SLC30A9: variants seen among roughly 807,000 people sequenced by gnomAD.
SLC30A9 encodes the protein proton-coupled zinc antiporter SLC30A9, mitochondrial.
SLC30A9 carries 58 observed loss-of-function variants against 87.5 expected under a neutral mutation model. The ratio of observed to expected loss-of-function variants is 0.66; its 90% confidence interval spans 0.54 to 0.82. The LOEUF is 0.82. Among genes scored for constraint, SLC30A9 ranks in the 40% least tolerant of loss-of-function variants. The pLI is 0.00. For synonymous variants in SLC30A9, 234 were observed against 233.0 expected, an observed-to-expected ratio of 1.00 and a Z score of -0.04; for missense variants, 557 against 679.1, an observed-to-expected ratio of 0.82 and a Z score of 2.00.
intron 2 of SLC30A9, among the ~76,000 whole-genome samples, chr4:42,005,637 A>G (rs967283369): frequency 1.3e-5 from 2 of 152,322 alleles, no homozygotes. Context: ...TCCAAGCTTC[A>G]ATAGAAATCC....
Position 41,997,285 on chromosome 4 carries a change from G to T in SLC30A9, c.110-4331G>T, listed in dbSNP as rs115093211. On this transcript the variant is annotated intron_variant, in intron 1 of 17. Coordinates refer to ENST00000264451, the MANE Select transcript of SLC30A9 (RefSeq NM_006345.4). ...CTTGCTACATGATTAAGGATAAAAA[G>T]GATTTTCCTGTAGTTTTGGCTAGCT... Among the ~76,000 whole-genome samples the T allele has an allele frequency of 8.9e-3, 1,360 of 152,074 alleles. 22 individuals carry two copies. The highest frequency in any genetic ancestry group is 0.032 in the African/African-American group (1,308 of 41,508).
intron 6 of SLC30A9, among the ~76,000 whole-genome samples, chr4:42,025,554 G>A (rs1560542412): frequency 6.6e-6 from 1 of 152,162 alleles, no homozygotes; most frequent in Non-Finnish European, 1.5e-5. Context: ...AGTTTTCCTT[G>A]TAAAATCCAA....
intron 1 of SLC30A9, among the ~76,000 whole-genome samples, chr4:41,997,161 A>AC (rs1714755624): frequency 1.3e-5 from 2 of 149,640 alleles, no homozygotes; most frequent in South Asian, 2.1e-4. Flanking sequence ...TCCTAACTCA[A>AC]AAAAAAAAAA....
chr4:42,070,004 C>T (rs772280323), intron 14 of SLC30A9, among the ~76,000 whole-genome samples: 1 of 152,104 alleles, frequency 6.6e-6, no homozygotes, highest in Non-Finnish European at 1.5e-5. Flanking sequence ...GAATTAAGTT[C>T]TCTCCTTTTT....
intron 9 of SLC30A9, among the ~76,000 whole-genome samples, chr4:42,051,278 ATAATT>A (rs1175234970): frequency 1.3e-5 from 2 of 152,218 alleles, no homozygotes; most frequent in Non-Finnish European, 2.9e-5. Context: ...TGATCTTCAA[ATAATT>A]TAATCACTTG....
At chr4:42,044,014 G>A (rs1424549430) in intron 8 of SLC30A9, among the ~76,000 whole-genome samples, 2 of 152,118 alleles carry the variant, frequency 1.3e-5, no homozygotes, top group African/African-American at 4.8e-5. Flanking sequence ...AATATTGAGA[G>A]ATTTTATAAC....
chr4:42,049,303 C>A, intron 8 of SLC30A9, 74 bp from the exon 9 acceptor site: 1 of 816,104 alleles, frequency 1.2e-6, no homozygotes, highest in Non-Finnish European at 2.1e-6. Flanking sequence ...TAGAGATATA[C>A]AGCTGATTGA....
At chr4:42,042,255 G>A (rs546206958) in intron 8 of SLC30A9, among the ~76,000 whole-genome samples, 1 of 152,168 alleles carries the variant, frequency 6.6e-6, no homozygotes, top group African/African-American at 2.4e-5. Context: ...GGAGCTAAGT[G>A]GTCTAGCTCA....
chr4:42,039,972 G>T (rs545318816), intron 8 of SLC30A9, among the ~76,000 whole-genome samples: 1 of 152,234 alleles, frequency 6.6e-6, no homozygotes, highest in African/African-American at 2.4e-5. Flanking sequence ...GGATTGGAGG[G>T]ACACTAAACT....
intron 6 of SLC30A9, among the ~76,000 whole-genome samples, chr4:42,024,885 A>G (rs377004301): frequency 6.6e-5 from 10 of 152,128 alleles, no homozygotes; most frequent in East Asian, 3.8e-4. Context: ...TCACTTTTCT[A>G]TTAGATTGTG....
At chr4:42,061,831 C>T (rs1265257930) in intron 10 of SLC30A9, among the ~76,000 whole-genome samples, 4 of 150,850 alleles carry the variant, frequency 2.7e-5, no homozygotes, top group South Asian at 2.1e-4. Flanking sequence ...ACTCAGGAGG[C>T]GGAGGTTGTG....
At chr4:42,046,448 A>G (rs990238476) in intron 8 of SLC30A9, among the ~76,000 whole-genome samples, 3 of 151,858 alleles carry the variant, frequency 2.0e-5, no homozygotes, top group Non-Finnish European at 4.4e-5. Flanking sequence ...ATAATAGACA[A>G]ACAGCCAAAT....
At chr4:42,057,075 A>T (rs1277370330) in intron 9 of SLC30A9, among the ~76,000 whole-genome samples, 1 of 152,202 alleles carries the variant, frequency 6.6e-6, no homozygotes, top group Non-Finnish European at 1.5e-5. Flanking sequence ...GCTCTGCAGG[A>T]TATAGCCCAC....
intron 9 of SLC30A9, among the ~76,000 whole-genome samples, chr4:42,058,643 G>A (rs1333722500): frequency 3.3e-5 from 5 of 152,210 alleles, no homozygotes; most frequent in Non-Finnish European, 7.3e-5. Context: ...CACATGGCTA[G>A]GGAAGCCTCA....
intron 9 of SLC30A9, among the ~76,000 whole-genome samples, chr4:42,056,836 AGACATTGGGTAAATACC>A (rs1426619339): frequency 2.6e-5 from 4 of 152,288 alleles, no homozygotes; most frequent in South Asian, 2.1e-4. Flanking sequence ...GGGTAAATAC[AGACATTGGGTAAATACC>A]ATGTCTCCAT....
At chr4:42,015,557 C>T (rs957116660) in intron 2 of SLC30A9, among the ~76,000 whole-genome samples, 1 of 152,088 alleles carries the variant, frequency 6.6e-6, no homozygotes, top group Admixed American at 6.5e-5. Flanking sequence ...TTTTCAGAGA[C>T]TTATATTCTG....
In SLC30A9 at chr4:42,064,193, C is replaced by T. The variant is rs190070082; in HGVS notation, c.1032+1072C>T. ...CCAAAGAAATCTTCATTTTTGGCCT[C>T]CTCAATTTCAGCTCTTCTTATGTGG... On this transcript the variant is annotated intron_variant, in intron 11 of 17. Transcript: ENST00000264451. Among the ~76,000 whole-genome samples the T allele has an allele frequency of 2.6e-5, 4 of 152,276 alleles. No homozygotes were observed. In the East Asian group the frequency reaches 7.7e-4, roughly 29 times the overall value.
At chr4:42,029,111 C>T in intron 6 of SLC30A9, 1 of 290,946 alleles carries the variant, frequency 3.4e-6, no homozygotes, top group Non-Finnish European at 7.1e-6. Context: ...CTGCGGAGAG[C>T]CAGGCCAGAG....
At chr4:42,068,423 A>AT in intron 14 of SLC30A9, among the ~76,000 whole-genome samples, 2 of 151,696 alleles carry the variant, frequency 1.3e-5, no homozygotes, top group African/African-American at 4.8e-5. Context: ...TTGTATTTTC[A>AT]TTAGAGACGG....
Sources: allele counts gnomAD v4.1 joint callset (sites outside exome capture counted in the v4.1 genomes callset), GRCh38; gene constraint gnomAD v4.1.1; transcripts MANE v1.5; gene names NCBI Gene and HGNC (gene_info 2026-07-23, HGNC 2026-07-21).